TAOK1: variants seen among roughly 807,000 people sequenced by gnomAD.
The protein encoded by TAOK1 is TAO kinase 1.
TAOK1 carries 21 observed loss-of-function variants against 138.3 expected under a neutral mutation model. The ratio of observed to expected loss-of-function variants is 0.15; its 90% CI spans 0.11 to 0.22. The LOEUF is 0.22. Ranked by LOEUF, TAOK1 falls within the 10% of genes least tolerant of loss-of-function variation. TAOK1 has a pLI of 1.00. For synonymous variants in TAOK1, 361 were observed against 398.4 expected (o/e 0.91, Z 1.12); for missense variants, 651 against 1,227.7 (o/e 0.53, Z 7.02).
chr17:29,477,125 A>G (rs1037854237), intron 4 of TAOK1, among the ~76,000 whole-genome samples: 1 of 152,150 alleles, frequency 6.6e-6, no homozygotes, highest in African/African-American at 2.4e-5. Context: ...GATTATAGGC[A>G]TGAGCCACCG....
intron 1 of TAOK1, among the ~76,000 whole-genome samples, chr17:29,433,276 C>CA (rs1905907855): frequency 6.6e-6 from 1 of 151,772 alleles, no homozygotes; most frequent in South Asian, 2.1e-4. Flanking sequence ...ACTAAAAATA[C>CA]AAAAATTAGC....
At position 29,468,135 on chromosome 17, in the gene TAOK1, A is replaced by ATTTTTTTTTTT. The variant is rs761962930; in HGVS notation, c.204+926_204+936dup. ...AACCACTGTGCTTGGCCTGCTTTCA[A>ATTTTTTTTTTT]TTTTTTTTTTTTTTTTTAGGAGCTG... On this transcript the variant is annotated intron_variant, in intron 3 of 19. Coordinates refer to ENST00000261716, the MANE Select transcript of TAOK1 (RefSeq NM_020791.4). 4.8e-3 allele frequency among the ~76,000 whole-genome samples: 368 copies of ATTTTTTTTTTT among 76,036 alleles called. 68 individuals carry two copies. The highest frequency in any genetic ancestry group is 0.018 in the Middle Eastern group (2 of 110). 49.9% of individuals were successfully genotyped at this position (76,036 alleles called of 152,430 possible).
chr17:29,545,929 T>G lies in TAOK1; in HGVS notation c.*2907T>G, dbSNP rs967033166. The G allele has an allele frequency of 3.9e-5, 6 of 152,256 alleles. No individual in the cohort carries two copies. Among genetic ancestry groups the G allele is most frequent in the South Asian group, 4.1e-4 (2 of 4,832 alleles). 9.4% of individuals were successfully genotyped at this position (152,256 alleles called of 1,614,324 possible). A position where few individuals can be genotyped will look rare whatever the true frequency, so the allele number is the denominator to read the frequency against. ...CTATATCTGGTATCCAGAGGCTGGC[T>G]GTAAAAAGTTCCTTGGGGTCACTCT... On this transcript the variant is annotated 3_prime_UTR_variant, in exon 20 of 20. Transcript: ENST00000261716.
At chr17:29,507,604 A>C (rs1381255098) in intron 13 of TAOK1, among the ~76,000 whole-genome samples, 2 of 152,194 alleles carry the variant, frequency 1.3e-5, no homozygotes, top group Non-Finnish European at 2.9e-5. Context: ...TGATCTACTT[A>C]GCCTATCTTA....
intron 15 of TAOK1, 193 bp downstream of exon 15, chr17:29,511,185 A>T (rs879093752): frequency 5.6e-6 from 2 of 359,978 alleles, no homozygotes; most frequent in African/African-American, 4.2e-5. Context: ...TAGGATTTAA[A>T]ATGAATCATT....
At chr17:29,420,797 C>G (rs1905415355) in intron 1 of TAOK1, among the ~76,000 whole-genome samples, 2 of 152,018 alleles carry the variant, frequency 1.3e-5, no homozygotes, top group African/African-American at 4.8e-5. Flanking sequence ...GTTGGCCAGG[C>G]TGGTCCTGAA....
intron 2 of TAOK1, among the ~76,000 whole-genome samples, chr17:29,455,738 TTC>T (rs2030360920): frequency 6.6e-6 from 1 of 150,518 alleles, no homozygotes; most frequent in African/African-American, 2.5e-5. Context: ...TGTTTTTTTT[TTC>T]CTTCATTTTA....
At chr17:29,435,044 TA>T (rs1482813534) in intron 1 of TAOK1, among the ~76,000 whole-genome samples, 1 of 152,184 alleles carries the variant, frequency 6.6e-6, no homozygotes, top group African/African-American at 2.4e-5. Flanking sequence ...TGGCTTTGGT[TA>T]GCTCCCTTGG....
intron 15 of TAOK1, chr17:29,513,539 AGTT>A (rs1338069697): frequency 6.6e-6 from 1 of 152,168 alleles, no homozygotes; most frequent in Non-Finnish European, 1.5e-5. Context: ...TTAGAAGCTA[AGTT>A]GTTGTGTATG....
chr17:29,492,365 T>C (rs983592172), intron 10 of TAOK1, among the ~76,000 whole-genome samples: 3 of 152,238 alleles, frequency 2.0e-5, no homozygotes, highest in African/African-American at 7.2e-5. Flanking sequence ...TCAAATTGAT[T>C]AGCTGCTCTT....
intron 1 of TAOK1, among the ~76,000 whole-genome samples, chr17:29,442,544 T>C (rs2029973391): frequency 6.6e-6 from 1 of 152,184 alleles, no homozygotes; most frequent in South Asian, 2.1e-4. Flanking sequence ...TTATGTATTG[T>C]GGCATATGTT....
chr17:29,427,000 G>C (rs1407113729), intron 1 of TAOK1, among the ~76,000 whole-genome samples: 1 of 152,112 alleles, frequency 6.6e-6, no homozygotes, highest in Non-Finnish European at 1.5e-5. Flanking sequence ...CAGTTTCTTA[G>C]TTGCACCAAC....
At chr17:29,525,765 GA>G (rs2031999177) in intron 17 of TAOK1, among the ~76,000 whole-genome samples, 1 of 152,216 alleles carries the variant, frequency 6.6e-6, no homozygotes, top group Non-Finnish European at 1.5e-5. Flanking sequence ...CAGCACTTTG[GA>G]AGGCCGAGGC....
chr17:29,390,796 C>G lies in TAOK1; in HGVS notation c.-323C>G, dbSNP rs2153019037. ...CTTAACTGAGCCCAAGCGCTGAGGG[C>G]GCCTCCTCGACCCCGGTCGTCCCCT... On this transcript the variant is annotated 5_prime_UTR_variant, in exon 1 of 20. Coordinates refer to ENST00000261716, the MANE Select transcript of TAOK1 (RefSeq NM_020791.4). The G allele has an allele frequency of 6.6e-6, 1 of 151,702 alleles. No homozygotes were observed. Among genetic ancestry groups the G allele is most frequent in the Admixed American group, 6.6e-5 (1 of 15,246 alleles). The allele number at this position is 151,702 out of a possible 1,614,324, so 9.4% of individuals were successfully genotyped here.
rs2030689835 is a variant in TAOK1, at chr17:29,467,216, G to A, written c.204G>A (p.Glu68=). 7 of 1,587,996 alleles carry A rather than the reference G, an allele frequency of 4.4e-6. No individual in the cohort carries two copies. Among genetic ancestry groups the A allele is most frequent in the Non-Finnish European group, 6.0e-6 (7 of 1,161,832 alleles). ...CTTATAGTGGAAAGCAGTCTACTGA[G>A]GTAGGTTAAATATGTACATTCTTGT... ...KMSYSGKQST[E]KWQDIIKEVK... The change falls in exon 3 of 20, where the codon GAG becomes GAA. Residue 68 remains glutamate (E), a splice_region_variant and synonymous_variant. Transcript: ENST00000261716.
chr17:29,480,619 A>C (rs1598499437), intron 7 of TAOK1, 138 bp downstream of exon 7: 1 of 670,772 alleles, frequency 1.5e-6, no homozygotes, highest in Non-Finnish European at 2.4e-6. Flanking sequence ...CTGTAATCCC[A>C]GAACTTTGGG....
chr17:29,400,904 CTTTT>C (rs10539936), intron 1 of TAOK1, among the ~76,000 whole-genome samples: 49 of 105,246 alleles, frequency 4.7e-4, no homozygotes, highest in Middle Eastern at 5.5e-3. Flanking sequence ...TTGTTTGCCT[CTTTT>C]TTTTTTTTTT....
At chr17:29,516,691 G>A (rs866581739) in intron 15 of TAOK1, among the ~76,000 whole-genome samples, 8 of 151,302 alleles carry the variant, frequency 5.3e-5, no homozygotes, top group Non-Finnish European at 7.4e-5. Context: ...GGTAGAGGCC[G>A]GGTTTCTCCA....
intron 13 of TAOK1, among the ~76,000 whole-genome samples, chr17:29,504,440 C>T (rs562820325): frequency 5.7e-4 from 86 of 151,844 alleles, no homozygotes; most frequent in South Asian, 2.5e-3. Context: ...GAGGCTGAGG[C>T]GGGTGGATCA....
Sources: gnomAD v4.1 joint callset for allele counts (sites outside exome capture counted in the v4.1 genomes callset) on GRCh38, gnomAD v4.1.1 for gene constraint, MANE v1.5 for transcripts, NCBI Gene and HGNC (gene_info 2026-07-23, HGNC 2026-07-21) for gene names.